The following PTPRD variants were observed in gnomAD, a reference collection of about 807,000 sequenced individuals.
PTPRD encodes receptor-type tyrosine-protein phosphatase delta.
PTPRD carries 34 observed loss-of-function variants against 214.5 expected under a neutral mutation model. That is an observed-to-expected ratio of 0.16 (90% CI 0.12 to 0.21). The LOEUF is 0.21. Among genes scored for constraint, PTPRD ranks in the 10% least tolerant of loss-of-function variants. PTPRD has a pLI of 1.00. For synonymous variants in PTPRD, 1,128 were observed against 845.7 expected, an observed-to-expected ratio of 1.33 and a Z score of -5.79; for missense variants, 2,545 against 2,398.7, an observed-to-expected ratio of 1.06 and a Z score of -1.27.
intron 12 of PTPRD, among the ~76,000 whole-genome samples, chr9:8,654,088 G>T (rs1057245692): frequency 6.6e-6 from 1 of 152,132 alleles, no homozygotes; most frequent in African/African-American, 2.4e-5. Flanking sequence ...CTACCCAATA[G>T]ATAACACTAA....
intron 44 of PTPRD, among the ~76,000 whole-genome samples, chr9:8,328,451 T>C (rs141979684): frequency 0.015 from 2,319 of 152,248 alleles, 23 homozygotes; most frequent in African/African-American, 0.033. Flanking sequence ...CCCTTAACAT[T>C]TTTTCCTTCG....
chr9:10,174,676 T>G (rs2099235587), intron 3 of PTPRD, among the ~76,000 whole-genome samples: 1 of 151,994 alleles, frequency 6.6e-6, no homozygotes, highest in East Asian at 1.9e-4. Context: ...CCAAAAAAAG[T>G]GAAATCAACT....
chr9:9,451,087 A>C (rs1013948633), intron 8 of PTPRD, among the ~76,000 whole-genome samples: 1 of 151,722 alleles, frequency 6.6e-6, no homozygotes, highest in Non-Finnish European at 1.5e-5. Context: ...AAAATTGTAG[A>C]AGTTGTTCAG....
chr9:9,416,307 T>C (rs2076974793), intron 8 of PTPRD, among the ~76,000 whole-genome samples: 1 of 152,184 alleles, frequency 6.6e-6, no homozygotes, highest in African/African-American at 2.4e-5. Context: ...CATGCAGTGT[T>C]ATGAGTGGGT....
chr9:10,029,490 T>G (rs1259437481), intron 4 of PTPRD, among the ~76,000 whole-genome samples: 2 of 152,208 alleles, frequency 1.3e-5, no homozygotes, highest in Non-Finnish European at 2.9e-5. Flanking sequence ...AACCCATCTT[T>G]TCCATCAGCA....
intron 7 of PTPRD, among the ~76,000 whole-genome samples, chr9:9,658,811 C>T (rs533493646): frequency 6.6e-6 from 1 of 152,044 alleles, no homozygotes; most frequent in African/African-American, 2.4e-5. Flanking sequence ...TAAGCATTAT[C>T]TTATTTAATT....
intron 5 of PTPRD, among the ~76,000 whole-genome samples, chr9:9,844,557 AC>A (rs1351371100): frequency 1.3e-5 from 2 of 151,992 alleles, no homozygotes; most frequent in Non-Finnish European, 1.5e-5. Flanking sequence ...TATAGCATAA[AC>A]AAAAAATAAA....
At chr9:8,891,387 C>G (rs1051855212) in intron 11 of PTPRD, among the ~76,000 whole-genome samples, 1 of 151,836 alleles carries the variant, frequency 6.6e-6, no homozygotes, top group African/African-American at 2.4e-5. Flanking sequence ...CCGCCTCGGC[C>G]TCCCAAAGTG....
At chr9:9,189,893 C>G (rs2099934048) in intron 9 of PTPRD, among the ~76,000 whole-genome samples, 1 of 151,902 alleles carries the variant, frequency 6.6e-6, no homozygotes, top group Non-Finnish European at 1.5e-5. Context: ...TTCCTTGTGC[C>G]TTTGAAATTA....
At chr9:9,073,682 C>G (rs1041819299) in intron 10 of PTPRD, among the ~76,000 whole-genome samples, 28 of 152,084 alleles carry the variant, frequency 1.8e-4, no homozygotes, top group African/African-American at 6.0e-4. Context: ...GTCGGCTTGC[C>G]CTATTAATTT....
chr9:9,246,109 G>C (rs2099972950), intron 9 of PTPRD, among the ~76,000 whole-genome samples: 1 of 151,976 alleles, frequency 6.6e-6, no homozygotes, highest in Non-Finnish European at 1.5e-5. Context: ...GTAGGAATGG[G>C]GGTGACTTTC....
intron 9 of PTPRD, among the ~76,000 whole-genome samples, chr9:9,276,012 C>A (rs73641286): frequency 1.3e-5 from 2 of 151,212 alleles, no homozygotes; most frequent in Non-Finnish European, 3.0e-5. Context: ...ACAAATTTCT[C>A]GGGATAATAA....
chr9:8,741,306 T>C (rs999387111), intron 11 of PTPRD, among the ~76,000 whole-genome samples: 2 of 152,134 alleles, frequency 1.3e-5, no homozygotes, highest in African/African-American at 2.4e-5. Flanking sequence ...AGAAAAAGAA[T>C]CTAAAATTTC....
chr9:9,698,048 CTG>C (rs1163370220), intron 7 of PTPRD, among the ~76,000 whole-genome samples: 2 of 152,028 alleles, frequency 1.3e-5, no homozygotes, highest in Non-Finnish European at 2.9e-5. Flanking sequence ...GACTTTTATT[CTG>C]TGTTATTTTG....
At chr9:8,814,234 G>C (rs1021591100) in intron 11 of PTPRD, among the ~76,000 whole-genome samples, 33 of 152,146 alleles carry the variant, frequency 2.2e-4, no homozygotes, top group African/African-American at 7.5e-4. Flanking sequence ...AGAAAGTCAA[G>C]GCTAAAAGTA....
At position 9,611,347 on chromosome 9, in the gene PTPRD, AGAG is replaced by A. The variant is rs1254926120; in HGVS notation, c.-286-36569_-286-36567del. 2.2e-3 allele frequency among the ~76,000 whole-genome samples: 339 copies of A among 152,306 alleles called. 1 individual carries two copies. The highest frequency in any genetic ancestry group is 7.7e-3 in the African/African-American group (322 of 41,570). ...ACATATCTCCACCAGCAGTGAATGAAGAGCATTGATGCTGACCATTATAAATTT... is the reference window on the plus strand; with the variant it reads ...ACATATCTCCACCAGCAGTGAATGAACATTGATGCTGACCATTATAAATTT... On this transcript the variant is annotated intron_variant, in intron 7 of 45. Transcript: ENST00000381196.
chr9:10,149,169 T>C (rs2099043780), intron 3 of PTPRD, among the ~76,000 whole-genome samples: 1 of 152,188 alleles, frequency 6.6e-6, no homozygotes, highest in South Asian at 2.1e-4. Flanking sequence ...AACATGAATG[T>C]AGATATTAAT....
At chr9:9,796,945 A>T (rs1460219276) in intron 5 of PTPRD, among the ~76,000 whole-genome samples, 1 of 152,172 alleles carries the variant, frequency 6.6e-6, no homozygotes, top group East Asian at 1.9e-4. Flanking sequence ...CATCATCTGA[A>T]TAGTAATATT....
chr9:10,452,652 A>T (rs1424949853), intron 2 of PTPRD, among the ~76,000 whole-genome samples: 1 of 151,860 alleles, frequency 6.6e-6, no homozygotes, highest in African/African-American at 2.4e-5. Flanking sequence ...ATTTAAAAAA[A>T]TCAGATTATT....
Sources: allele counts gnomAD v4.1 joint callset (sites outside exome capture counted in the v4.1 genomes callset), GRCh38; gene constraint gnomAD v4.1.1; transcripts MANE v1.5; gene names NCBI Gene and HGNC (gene_info 2026-07-23, HGNC 2026-07-21).